The following ENPP3 variants were observed in gnomAD, a reference collection of about 807,000 sequenced individuals.
ENPP3 encodes the protein ectonucleotide pyrophosphatase/phosphodiesterase family member 3.
A neutral mutation model predicts 117.8 loss-of-function variants in ENPP3; 104 were observed. The ratio of observed to expected loss-of-function variants is 0.88; its 90% CI spans 0.75 to 1.04. The LOEUF (loss-of-function observed/expected upper bound fraction) is 1.04. Among genes scored for constraint, ENPP3 ranks in the 50% least tolerant of loss-of-function variants. The pLI, the probability that ENPP3 is intolerant of heterozygous loss-of-function variation, is 0.00. For missense variants in ENPP3, 1,026 were observed against 1,051.9 expected (o/e 0.98, Z 0.34); for synonymous variants, 380 against 349.9 (o/e 1.09, Z -0.96).
At chr6:131,638,504 A>T (rs1428219931) in intron 1 of ENPP3, 3 of 453,800 alleles carry the variant, frequency 6.6e-6, no homozygotes, top group Non-Finnish European at 1.3e-5. Flanking sequence ...CCCAGGCTCA[A>T]GTGATCCTCC....
intron 6 of ENPP3, among the ~76,000 whole-genome samples, chr6:131,670,811 G>T (rs1243381602): frequency 6.6e-6 from 1 of 152,166 alleles, no homozygotes; most frequent in Non-Finnish European, 1.5e-5. Flanking sequence ...TTTTTAAATG[G>T]TTGGAAGAAA....
At chr6:131,733,814 A>G in intron 21 of ENPP3, 91 bp downstream of exon 21, 1 of 1,358,902 alleles carries the variant, frequency 7.4e-7, no homozygotes, top group South Asian at 1.4e-5. Context: ...CCCCACCAAA[A>G]CTACCTGCTT....
intron 2 of ENPP3, among the ~76,000 whole-genome samples, chr6:131,645,933 A>C (rs1778144566): frequency 6.6e-6 from 1 of 152,092 alleles, no homozygotes; most frequent in South Asian, 2.1e-4. Flanking sequence ...AATTCTGGGA[A>C]ATTTTATAAT....
intron 21 of ENPP3, among the ~76,000 whole-genome samples, chr6:131,734,850 G>A (rs1406245309): frequency 1.3e-5 from 2 of 149,854 alleles, no homozygotes; most frequent in Admixed American, 6.7e-5. Context: ...GCAGTGGGCC[G>A]AGATTGAGCC....
chr6:131,740,668 CTCTTTTT>C (rs1780510263), intron 24 of ENPP3, among the ~76,000 whole-genome samples: 1 of 151,968 alleles, frequency 6.6e-6, no homozygotes, highest in African/African-American at 2.4e-5. Context: ...TCTTGTTAAT[CTCTTTTT>C]TCTTTTTTTA....
intron 20 of ENPP3, among the ~76,000 whole-genome samples, chr6:131,727,371 C>T (rs890840385): frequency 6.6e-6 from 1 of 152,032 alleles, no homozygotes; most frequent in Non-Finnish European, 1.5e-5. Context: ...GCTTGACCAA[C>T]ATGGTGAAAC....
At position 131,674,285 on chromosome 6, in the gene ENPP3, T is replaced by G; in HGVS notation, c.762+4T>G. On this transcript the variant is annotated splice_donor_region_variant and intron_variant, in intron 8 of 24. Coordinates refer to ENST00000357639, the MANE Select transcript of ENPP3 (RefSeq NM_005021.5). ...AGCCTGGTGGCATGGGCAACCAGTA[T>G]GTAGCATTCTACACGTCGCAACTGA... The G allele has an allele frequency of 1.2e-6, 2 of 1,613,690 alleles. No homozygotes were observed. Among genetic ancestry groups the G allele is most frequent in the Non-Finnish European group, 1.7e-6 (2 of 1,179,672 alleles).
intron 5 of ENPP3, 147 bp from the exon 6 acceptor site, chr6:131,658,176 A>G (rs1013666722): frequency 1.1e-4 from 68 of 604,140 alleles, no homozygotes; most frequent in Non-Finnish European, 1.6e-4. Flanking sequence ...AAAGAAATTA[A>G]AAAAATAAAA....
At position 131,671,317 on chromosome 6, in the gene ENPP3, C is replaced by A. The variant is rs752286060; in HGVS notation, c.632C>A (p.Thr211Asn). 8.5e-5 allele frequency: 136 copies of A among 1,594,162 alleles called. No homozygotes were observed. Among genetic ancestry groups the A allele is most frequent in the Non-Finnish European group, 1.1e-4 (125 of 1,162,010 alleles). ...YPTKTFPNHY[T>N]IVTGLYPESH... ...ACCAAAACCTTCCCAAATCATTACA[C>A]CATTGTCACGGTAAGTGCTTGACCC... is the stretch of plus-strand genomic sequence containing the variant. Residue 211 changes from threonine (T) to asparagine (N), a missense_variant, in exon 7 of 25, where the codon ACC (threonine) becomes AAC (asparagine). Transcript: ENST00000357639.
intron 6 of ENPP3, among the ~76,000 whole-genome samples, chr6:131,669,677 AAAG>A (rs1778698687): frequency 6.8e-6 from 1 of 146,138 alleles, no homozygotes; most frequent in Non-Finnish European, 1.5e-5. Flanking sequence ...AAAAAAAAAA[AAAG>A]AAAGAAAGAA....
In ENPP3 at chr6:131,675,157, C is replaced by A; in HGVS notation, c.840C>A (p.Gly280=). 6.2e-7 allele frequency: 1 copy of A among 1,612,270 alleles called. No individual in the cohort carries two copies. The highest frequency in any genetic ancestry group is 8.5e-7 in the Non-Finnish European group (1 of 1,178,414). The part of the protein sequence containing the change: ...FWPGSEVAIN[G]SFPSIYMPYN... ...CCGGATCAGAAGTGGCTATAAATGG[C>A]TCCTTTCCTTCCATATACATGCCTT... The change falls in exon 9 of 25, where the codon GGC becomes GGA. Residue 280 remains glycine, a synonymous_variant. Transcript: ENST00000357639.
intron 24 of ENPP3, among the ~76,000 whole-genome samples, chr6:131,743,141 G>C (rs1478376929): frequency 2.6e-5 from 4 of 152,054 alleles, no homozygotes; most frequent in Non-Finnish European, 5.9e-5. Context: ...CAAGATGAGA[G>C]AGAGGCAAAG....
intron 14 of ENPP3, among the ~76,000 whole-genome samples, chr6:131,688,066 C>T (rs1339646417): frequency 6.6e-6 from 1 of 152,072 alleles, no homozygotes; most frequent in African/African-American, 2.4e-5. Flanking sequence ...TCTGTGTCAC[C>T]TTTTGTTAAT....
At position 131,746,989 on chromosome 6, in the gene ENPP3, G is replaced by A; in HGVS notation, c.*33G>A. On this transcript the variant is annotated 3_prime_UTR_variant, in exon 25 of 25. Transcript: ENST00000357639. ...ATGTCTACTTAATATATAATTTACT[G>A]TATAAAGTAATTTTGGCAAAATATA... 1 of 1,225,496 alleles carries A rather than the reference G, an allele frequency of 8.2e-7. No homozygotes were observed. Among genetic ancestry groups the A allele is most frequent in the Non-Finnish European group, 1.1e-6 (1 of 909,430 alleles). 75.9% of individuals were successfully genotyped at this position (1,225,496 alleles called of 1,614,324 possible).
At chr6:131,646,041 G>T (rs958008751) in intron 2 of ENPP3, among the ~76,000 whole-genome samples, 4 of 152,110 alleles carry the variant, frequency 2.6e-5, no homozygotes, top group African/African-American at 7.2e-5. Flanking sequence ...AGTTACATCT[G>T]CACAGTTCCT....
chr6:131,736,814 C>G (rs924360077), intron 21 of ENPP3, among the ~76,000 whole-genome samples: 25 of 152,174 alleles, frequency 1.6e-4, no homozygotes, highest in African/African-American at 6.0e-4. Context: ...TCTCACAGTT[C>G]TGGAGGTCAG....
intron 18 of ENPP3, 51 bp downstream of exon 18, chr6:131,722,456 T>C (rs781749046): frequency 2.0e-6 from 3 of 1,487,466 alleles, no homozygotes; most frequent in Non-Finnish European, 1.9e-6. Flanking sequence ...CAAGCTATTC[T>C]TAACCTGGGT....
Position 131,637,325 on chromosome 6 carries a change from A to C in ENPP3, c.-60A>C, listed in dbSNP as rs1025783480. ...TCATACAGTTTCTCTTTGCCAGACTAGACTAAAGAAGGAGCACTAATTTAT... is the reference window on the plus strand; with the variant it reads ...TCATACAGTTTCTCTTTGCCAGACTCGACTAAAGAAGGAGCACTAATTTAT... On this transcript the variant is annotated 5_prime_UTR_variant, in exon 1 of 25. Coordinates refer to ENST00000357639, the MANE Select transcript of ENPP3 (RefSeq NM_005021.5). 1.0e-4 allele frequency: 108 copies of C among 1,062,536 alleles called. No individual in the cohort carries two copies. The highest frequency in any genetic ancestry group is 1.5e-4 in the Non-Finnish European group (107 of 736,434). The allele number at this position is 1,062,536 out of a possible 1,614,324, so 65.8% of individuals were successfully genotyped here. A position where few individuals can be genotyped will look rare whatever the true frequency, so the allele number is the denominator to read the frequency against.
chr6:131,641,512 A>G lies in ENPP3; in HGVS notation c.136A>G (p.Arg46Gly), dbSNP rs1562422689. The G allele has an allele frequency of 6.2e-7, 1 of 1,608,968 alleles. No individual in the cohort carries two copies. Among genetic ancestry groups the G allele is most frequent in the Admixed American group, 1.7e-5 (1 of 59,974 alleles). The change falls in exon 2 of 25, where the codon AGG becomes GGG. Residue 46 changes from arginine (R) to glycine (G), a missense_variant. Physicochemically the swap from Arg to Gly is moderately radical, Grantham distance 125. Transcript: ENST00000357639. ...TGGATTAGGCCTGGGGCTTGGACTC[A>G]GGAAACTGGAAAAGCAAGGTATACC... ...SLGLGLGLGL[R>G]KLEKQGSCRK...
Sources: gnomAD v4.1 joint callset for allele counts (sites outside exome capture counted in the v4.1 genomes callset) on GRCh38, gnomAD v4.1.1 for gene constraint, MANE v1.5 for transcripts, NCBI Gene and HGNC (gene_info 2026-07-23, HGNC 2026-07-21) for gene names.